CD180: variants seen among roughly 807,000 people sequenced by gnomAD.
The protein encoded by CD180 is CD180 antigen.
In CD180, 11 loss-of-function variants were observed where a neutral mutation model predicts 10.7. The ratio of observed to expected loss-of-function variants is 1.03; its 90% CI spans 0.65 to 1.70. CD180 has a LOEUF of 1.70. CD180 is among the 40% of genes most tolerant of loss of function. The pLI, the probability that CD180 is intolerant of heterozygous loss-of-function variation, is 0.00. For missense variants in CD180, 729 were observed against 775.2 expected (o/e 0.94, Z 0.71); for synonymous variants, 286 against 294.6 (o/e 0.97, Z 0.30).
At chr5:67,196,179 G>A (rs1033555320) in intron 1 of CD180, among the ~76,000 whole-genome samples, 1 of 152,190 alleles carries the variant, frequency 6.6e-6, no homozygotes, top group African/African-American at 2.4e-5. Flanking sequence ...GGAGACCAAA[G>A]GACTCATTGG....
Position 67,182,465 on chromosome 5 carries a change from T to G in CD180, c.*392A>C, listed in dbSNP as rs1254670818. Reference sequence around the variant, plus strand: ...TTCAGCTCTGACAAATTGTGGGGGCTGATGATCTCCTTTCAGGGGCGGGGT... The same window carrying G: ...TTCAGCTCTGACAAATTGTGGGGGCGGATGATCTCCTTTCAGGGGCGGGGT... On this transcript the variant is annotated 3_prime_UTR_variant, in exon 3 of 3. Transcript: ENST00000256447. 6.2e-6 allele frequency: 1 copy of G among 160,586 alleles called. No homozygotes were observed. Among genetic ancestry groups the G allele is most frequent in the Non-Finnish European group, 1.4e-5 (1 of 73,724 alleles). 9.9% of individuals were successfully genotyped at this position (160,586 alleles called of 1,614,324 possible). A position where few individuals can be genotyped will look rare whatever the true frequency, so the allele number is the denominator to read the frequency against.
At chr5:67,186,877 A>ATGTGTGTGTGTGT (rs1561235932) in intron 1 of CD180, among the ~76,000 whole-genome samples, 1,464 of 112,658 alleles carry the variant, frequency 0.013, 16 homozygotes, top group African/African-American at 0.055. Flanking sequence ...TGTGTGTGAA[A>ATGTGTGTGTGTGT]GAGAGAGAGA....
At chr5:67,191,694 C>G (rs894144268) in intron 1 of CD180, among the ~76,000 whole-genome samples, 4 of 152,098 alleles carry the variant, frequency 2.6e-5, no homozygotes, top group African/African-American at 9.7e-5. Flanking sequence ...TGATACGGGT[C>G]CTAATATTTT....
chr5:67,195,503 C>T (rs1359286799), intron 1 of CD180, among the ~76,000 whole-genome samples: 2 of 152,238 alleles, frequency 1.3e-5, no homozygotes, highest in African/African-American at 4.8e-5. Context: ...AGGCGTGAGC[C>T]ACCACGCCTG....
chr5:67,184,699 A>C (rs1433526513), intron 2 of CD180, 114 bp from the exon 3 acceptor site: 1 of 855,718 alleles, frequency 1.2e-6, no homozygotes, highest in African/African-American at 1.7e-5. Flanking sequence ...CAAATATAAG[A>C]ACTTTCTTCA....
chr5:67,191,536 A>G (rs554336640), intron 1 of CD180, among the ~76,000 whole-genome samples: 8 of 152,338 alleles, frequency 5.3e-5, no homozygotes, highest in African/African-American at 1.7e-4. Flanking sequence ...AGGGAAAAGG[A>G]TGGCCAAGCT....
In CD180 at chr5:67,183,322, A is replaced by T; in HGVS notation, c.1521T>A (p.Gly507=). The change falls in exon 3 of 3, where the codon GGT becomes GGA. Residue 507 remains glycine (G), a synonymous_variant. Transcript: ENST00000256447. ...SLEVLILSSC[G]LLSIDQQAFH... ...ATGCTTGCTGGTCTATAGAGAGGAG[A>T]CCACAAGAGGACAAAATCAGAACCT... 1 of 1,614,076 alleles carries T rather than the reference A, an allele frequency of 6.2e-7. No individual in the cohort carries two copies. The highest frequency in any genetic ancestry group is 8.5e-7 in the Non-Finnish European group (1 of 1,180,002).
chr5:67,194,973 A>T (rs1381185320), intron 1 of CD180, among the ~76,000 whole-genome samples: 2 of 152,174 alleles, frequency 1.3e-5, no homozygotes, highest in African/African-American at 4.8e-5. Flanking sequence ...TTAAAAGATG[A>T]GGACATTTGG....
chr5:67,184,003 G>T lies in CD180; in HGVS notation c.840C>A (p.Asn280Lys). The T allele has an allele frequency of 6.2e-7, 1 of 1,614,116 alleles. No homozygotes were observed. Among genetic ancestry groups the T allele is most frequent in the South Asian group, 1.1e-5 (1 of 91,074 alleles). The change falls in exon 3 of 3, where the codon AAC becomes AAA. Residue 280 changes from asparagine (N) to lysine (K), a missense_variant. By Grantham distance (94) the Asn-to-Lys change is moderately conservative. Transcript: ENST00000256447. ...TGTCAGAGAAGCGGTGTTCCTGCAG[G>T]TTGAGGCTCTCAACAGACATTTCAC... ...GLCEMSVESL[N>K]LQEHRFSDIS...
intron 1 of CD180, among the ~76,000 whole-genome samples, chr5:67,191,596 CAA>C (rs1233720259): frequency 3.9e-5 from 6 of 152,184 alleles, no homozygotes; most frequent in African/African-American, 1.4e-4. Flanking sequence ...GTAAATATTT[CAA>C]GAGTGCATCT....
At position 67,196,556 on chromosome 5, in the gene CD180, A is replaced by G. The variant is rs1317869034; in HGVS notation, c.86T>C (p.Ile29Thr). 3.7e-6 allele frequency: 6 copies of G among 1,613,986 alleles called. No homozygotes were observed. The highest frequency in any genetic ancestry group is 2.2e-5 in the South Asian group (2 of 91,084). The stretch of plus-strand genomic sequence containing the variant: ...AGACAAACAGTTTGGACTCACCTCA[A>G]TGCACATCTGATCCCAGGAGGTGAT... The part of the protein sequence containing the change: ...KVITSWDQMC[I>T]EKEANKTYNC... Residue 29 changes from isoleucine (I) to threonine (T), a missense_variant, in exon 1 of 3, where the codon ATT (isoleucine) becomes ACT (threonine). Transcript: ENST00000256447.
In CD180 at chr5:67,183,915, A is replaced by G; in HGVS notation, c.928T>C (p.Leu310=). 6.2e-7 allele frequency: 1 copy of G among 1,614,196 alleles called. No individual in the cohort carries two copies. The highest frequency in any genetic ancestry group is 8.5e-7 in the Non-Finnish European group (1 of 1,180,028). The change falls in exon 3 of 3, where the codon TTG becomes CTG. Residue 310 remains leucine (L), a synonymous_variant. Coordinates refer to ENST00000256447, the MANE Select transcript of CD180 (RefSeq NM_005582.3). ...TTCATCCCAGAGGGTAACCCTTTCAAGTGAGTTGCTGTCAGATCCAATTCT... is the reference window on the plus strand; with the variant it reads ...TTCATCCCAGAGGGTAACCCTTTCAGGTGAGTTGCTGTCAGATCCAATTCT... The part of the protein sequence containing the change: ...LQELDLTATH[L]KGLPSGMKGL...
Position 67,185,861 on chromosome 5 carries a change from C to A in CD180, c.247G>T (p.Asp83Tyr). The A allele has an allele frequency of 4.4e-6, 7 of 1,594,426 alleles. No homozygotes were observed. Among genetic ancestry groups the A allele is most frequent in the East Asian group, 4.5e-5 (2 of 44,330 alleles). ...AACTCAGATACATACCTAGTTAAAT[C>A]CAAAAAGGTAAGATTCATGAGTCTG... is the stretch of plus-strand genomic sequence containing the variant. The part of the protein sequence containing the change: ...FSRLMNLTFL[D>Y]LTRCQINWIH... The change falls in exon 2 of 3, where the codon GAT (aspartate) becomes TAT (tyrosine). Residue 83 changes from aspartate to tyrosine, a missense_variant. Coordinates refer to ENST00000256447, the MANE Select transcript of CD180 (RefSeq NM_005582.3).
intron 1 of CD180, among the ~76,000 whole-genome samples, chr5:67,192,411 G>T (rs888232076): frequency 2.6e-5 from 4 of 151,898 alleles, no homozygotes; most frequent in Admixed American, 1.3e-4. Flanking sequence ...AAGAAAGAAA[G>T]AAAAAAGAAA....
chr5:67,186,547 T>C (rs775412472), intron 1 of CD180, among the ~76,000 whole-genome samples: 14 of 152,168 alleles, frequency 9.2e-5, no homozygotes, highest in Non-Finnish European at 1.9e-4. Context: ...CAGGGATAAA[T>C]GTGAGACTTC....
chr5:67,188,958 A>G (rs754466433), intron 1 of CD180, among the ~76,000 whole-genome samples: 7 of 152,232 alleles, frequency 4.6e-5, no homozygotes, highest in Non-Finnish European at 7.3e-5. Context: ...TGGTGGGGGA[A>G]AAAACCACGT....
Position 67,183,372 on chromosome 5 carries a change from G to T in CD180, c.1471C>A (p.Leu491Ile), listed in dbSNP as rs2151165122. 2 of 1,614,218 alleles carry T rather than the reference G, an allele frequency of 1.2e-6. No homozygotes were observed. Among genetic ancestry groups the T allele is most frequent in the South Asian group, 1.1e-5 (1 of 91,080 alleles). Reference protein sequence around the residue: ...FQDGTITKTNLLQTVGSLEVL... With the variant: ...FQDGTITKTNILQTVGSLEVL... Reference sequence around the variant, plus strand: ...TCCAAGCTGCCCACGGTCTGAAGTAGGTTGGTCTTCGTGATAGTCCCATCT... The same window carrying T: ...TCCAAGCTGCCCACGGTCTGAAGTATGTTGGTCTTCGTGATAGTCCCATCT... Residue 491 changes from leucine (L) to isoleucine (I), a missense_variant, in exon 3 of 3, where the codon CTA (leucine) becomes ATA (isoleucine). Transcript: ENST00000256447.
intron 1 of CD180, among the ~76,000 whole-genome samples, chr5:67,194,458 TG>T (rs1406484963): frequency 6.6e-6 from 1 of 151,982 alleles, no homozygotes; most frequent in East Asian, 1.9e-4. Context: ...CACCCAGAGG[TG>T]GACTCAGAAC....
rs1408264300 is a variant in CD180 at position 67,190,946 on chromosome 5, T to G, written c.91-4929A>C. On this transcript the variant is annotated intron_variant, in intron 1 of 2. Transcript: ENST00000256447. ...GTGCTTATTCTCACCTTTTCGGATT[T>G]CTCATCTGCGCTTGACACACGCAGC... The G allele has an allele frequency of 5.1e-6, 5 of 985,286 alleles. No homozygotes were observed. The East Asian group carries it at 5.7e-4, about 112-fold the overall frequency. The allele number at this position is 985,286 out of a possible 1,614,324, so 61.0% of individuals were successfully genotyped here. A position where few individuals can be genotyped will look rare whatever the true frequency, so the allele number is the denominator to read the frequency against.
Sources: gnomAD v4.1 joint callset for allele counts (sites outside exome capture counted in the v4.1 genomes callset) on GRCh38, gnomAD v4.1.1 for gene constraint, MANE v1.5 for transcripts, NCBI Gene and HGNC (gene_info 2026-07-23, HGNC 2026-07-21) for gene names.